ACAD11: variants seen among roughly 807,000 people sequenced by gnomAD.
The protein encoded by ACAD11 is acyl-CoA dehydrogenase family member 11.
Under a neutral mutation model 102.2 loss-of-function variants are expected in ACAD11, and 83 were observed. That is an observed-to-expected ratio of 0.81 (90% CI 0.68 to 0.97). The LOEUF is 0.97. Among genes scored for constraint, ACAD11 ranks in the 50% least tolerant of loss-of-function variants. The pLI, the probability that ACAD11 is intolerant of heterozygous loss-of-function variation, is 0.00. For missense variants in ACAD11, 901 were observed against 951.7 expected, an observed-to-expected ratio of 0.95 and a Z score of 0.70; for synonymous variants, 324 against 319.8, an observed-to-expected ratio of 1.01 and a Z score of -0.14.
At chr3:132,634,926 G>A (rs945075181) in intron 5 of ACAD11, among the ~76,000 whole-genome samples, 2 of 149,970 alleles carry the variant, frequency 1.3e-5, no homozygotes, top group African/African-American at 4.9e-5. Flanking sequence ...GGTGGGGAGG[G>A]ATAGCATTAG....
At chr3:132,606,750 C>T (rs890602040) in intron 11 of ACAD11, among the ~76,000 whole-genome samples, 18 of 152,212 alleles carry the variant, frequency 1.2e-4, no homozygotes, top group African/African-American at 4.3e-4. Context: ...AAGGGAGCAG[C>T]GGATCTCCCA....
intron 9 of ACAD11, among the ~76,000 whole-genome samples, chr3:132,620,886 A>T (rs995008993): frequency 6.6e-6 from 1 of 152,082 alleles, no homozygotes; most frequent in African/African-American, 2.4e-5. Context: ...ATTCTCACAC[A>T]CTCCAAAATT....
rs765956404 is a variant in ACAD11, at chr3:132,628,460, T to C, written c.964-14A>G. The C allele has an allele frequency of 7.9e-6, 12 of 1,527,540 alleles. No homozygotes were observed. The highest frequency in any genetic ancestry group is 7.1e-5 in the South Asian group (6 of 84,066). The allele number at this position is 1,527,540 out of a possible 1,614,324, so 94.6% of individuals were successfully genotyped here. A position where few individuals can be genotyped will look rare whatever the true frequency, so the allele number is the denominator to read the frequency against. On this transcript the variant is annotated splice_polypyrimidine_tract_variant and intron_variant, in intron 7 of 19. Transcript: ENST00000264990. ...GCTATATACTCCCTATAAATAAACA[T>C]AGAACAATTAAAATTCATTGAAAAC...
At chr3:132,589,963 G>A (rs1252580930) in intron 13 of ACAD11, among the ~76,000 whole-genome samples, 3 of 152,088 alleles carry the variant, frequency 2.0e-5, no homozygotes, top group East Asian at 1.9e-4. Flanking sequence ...GAGAACATGC[G>A]GTATTTGTTC....
intron 16 of ACAD11, among the ~76,000 whole-genome samples, chr3:132,576,173 G>C (rs974639117): frequency 6.6e-6 from 1 of 152,140 alleles, no homozygotes; most frequent in African/African-American, 2.4e-5. Flanking sequence ...CTATGCATAA[G>C]CTATTTTATT....
At chr3:132,607,494 C>T (rs1384836882) in intron 11 of ACAD11, among the ~76,000 whole-genome samples, 4 of 151,988 alleles carry the variant, frequency 2.6e-5, no homozygotes, top group Non-Finnish European at 5.9e-5. Context: ...GTATCAATAG[C>T]TGAATCAATC....
intron 13 of ACAD11, among the ~76,000 whole-genome samples, chr3:132,595,471 A>G (rs935079641): frequency 6.6e-6 from 1 of 152,202 alleles, no homozygotes; most frequent in African/African-American, 2.4e-5. Context: ...ATTAAACTGA[A>G]GAGCTTCTGC....
chr3:132,611,237 G>A (rs1355999633), intron 11 of ACAD11, among the ~76,000 whole-genome samples: 1 of 152,026 alleles, frequency 6.6e-6, no homozygotes, highest in Non-Finnish European at 1.5e-5. Context: ...AATAATAAGA[G>A]CTATCTATGA....
In ACAD11 at chr3:132,655,808, C is replaced by T. The variant is rs143851861; in HGVS notation, c.149+3795G>A. Reference sequence around the variant, plus strand: ...TACAGTGCCAGATACATATTAGGCACTCAGCTGCAAATCACAAGTTTTGTT... The same window carrying T: ...TACAGTGCCAGATACATATTAGGCATTCAGCTGCAAATCACAAGTTTTGTT... On this transcript the variant is annotated intron_variant, in intron 1 of 19. Coordinates refer to ENST00000264990, the MANE Select transcript of ACAD11 (RefSeq NM_032169.5). 1.6e-3 allele frequency among the ~76,000 whole-genome samples: 240 copies of T among 152,326 alleles called. 3 individuals carry two copies. In the East Asian group the frequency reaches 0.019, roughly 12 times the overall value.
In ACAD11 at chr3:132,639,502, T is replaced by C; in HGVS notation, c.692A>G (p.His231Arg). ...GDFRLDNIVFHPKECRVIAVL... is the reference protein window; with the variant it reads ...GDFRLDNIVFRPKECRVIAVL... ...CATAGCTAACTGTACCTCTTTAGGG[T>C]GGAAAACTATGTTATCTAGTCTGAA... The change falls in exon 5 of 20, where the codon CAC becomes CGC. Residue 231 changes from histidine to arginine, a missense_variant. By Grantham distance (29) the His-to-Arg change is conservative. Coordinates refer to ENST00000264990, the MANE Select transcript of ACAD11 (RefSeq NM_032169.5). 1 of 1,613,240 alleles carries C rather than the reference T, an allele frequency of 6.2e-7. No individual in the cohort carries two copies. Among genetic ancestry groups the C allele is most frequent in the East Asian group, 2.2e-5 (1 of 44,862 alleles).
intron 11 of ACAD11, among the ~76,000 whole-genome samples, chr3:132,607,822 G>A (rs757951824): frequency 3.3e-5 from 5 of 152,040 alleles, no homozygotes; most frequent in East Asian, 1.9e-4. Flanking sequence ...ACACATAATC[G>A]TCAGATTCAC....
chr3:132,646,776 T>C (rs1409732697), intron 1 of ACAD11, among the ~76,000 whole-genome samples: 1 of 152,180 alleles, frequency 6.6e-6, no homozygotes, highest in Non-Finnish European at 1.5e-5. Flanking sequence ...AGGAATAAAA[T>C]GCCGATCCAT....
intron 17 of ACAD11, among the ~76,000 whole-genome samples, chr3:132,573,613 G>A (rs1359795148): frequency 6.6e-6 from 1 of 152,152 alleles, no homozygotes; most frequent in Non-Finnish European, 1.5e-5. Context: ...ACAAGTTGCT[G>A]GTGGTGAATA....
intron 14 of ACAD11, 172 bp from the exon 15 acceptor site, chr3:132,579,053 T>C: frequency 6.6e-7 from 1 of 1,508,114 alleles, no homozygotes; most frequent in Non-Finnish European, 8.9e-7. Context: ...ATGCAGGCTG[T>C]GATCTGGAAC....
At chr3:132,648,683 G>A (rs1316596120) in intron 1 of ACAD11, 1 of 152,038 alleles carries the variant, frequency 6.6e-6, no homozygotes, top group African/African-American at 2.4e-5. Context: ...CTTTTCCTTT[G>A]GTGGAAATCA....
At chr3:132,561,731 T>C (rs910033282) in intron 17 of ACAD11, among the ~76,000 whole-genome samples, 1 of 152,202 alleles carries the variant, frequency 6.6e-6, no homozygotes, top group Non-Finnish European at 1.5e-5. Context: ...GACAGTTGAA[T>C]TATAATACAT....
intron 17 of ACAD11, among the ~76,000 whole-genome samples, chr3:132,568,254 T>C (rs1479480143): frequency 6.6e-6 from 1 of 151,896 alleles, no homozygotes; most frequent in Non-Finnish European, 1.5e-5. Context: ...AAAACTATAC[T>C]TCCATATACT....
intron 1 of ACAD11, among the ~76,000 whole-genome samples, chr3:132,655,455 C>T (rs1937737332): frequency 6.6e-6 from 1 of 152,212 alleles, no homozygotes; most frequent in Non-Finnish European, 1.5e-5. Context: ...GCTTACACTA[C>T]TTCAGGCATT....
intron 16 of ACAD11, among the ~76,000 whole-genome samples, chr3:132,576,616 T>C (rs1937528127): frequency 6.6e-6 from 1 of 152,228 alleles, no homozygotes; most frequent in Non-Finnish European, 1.5e-5. Flanking sequence ...ATTGATGTGA[T>C]ATAGAAAACC....
Sources: allele counts gnomAD v4.1 joint callset (sites outside exome capture counted in the v4.1 genomes callset), GRCh38; gene constraint gnomAD v4.1.1; transcripts MANE v1.5; gene names NCBI Gene and HGNC (gene_info 2026-07-23, HGNC 2026-07-21).